Variants in ZMYM6 observed in about 807,000 individuals in gnomAD.
The protein encoded by ZMYM6 is zinc finger MYM-type protein 6.
A neutral mutation model predicts 134.0 loss-of-function variants in ZMYM6; 90 were observed. That is an observed-to-expected ratio of 0.67 (90% CI 0.57 to 0.80). The LOEUF (loss-of-function observed/expected upper bound fraction) is 0.80, where lower values mean the gene tolerates loss of function less well. ZMYM6 is among the 30% of genes least tolerant of loss of function. The pLI is 0.00. For synonymous variants in ZMYM6, 481 were observed against 524.1 expected (o/e 0.92, Z 1.12); for missense variants, 1,362 against 1,533.9 (o/e 0.89, Z 1.87).
rs1043448144 is a variant in ZMYM6, at chr1:35,004,124, A to G, written c.1955-119T>C. On this transcript the variant is annotated intron_variant, in intron 13 of 15. Transcript: ENST00000357182. Reference sequence around the variant, plus strand: ...AGAGTCTAAACCAGAGTTTCTCAGAAAAATGGTACAAGGAAACTGCATCAG... The same window carrying G: ...AGAGTCTAAACCAGAGTTTCTCAGAGAAATGGTACAAGGAAACTGCATCAG... 4 of 825,966 alleles carry G rather than the reference A, an allele frequency of 4.8e-6. No homozygotes were observed. The African/African-American group carries it at 7.1e-5, about 15-fold the overall frequency. 51.2% of individuals were successfully genotyped at this position (825,966 alleles called of 1,614,324 possible). A position where few individuals can be genotyped will look rare whatever the true frequency, so the allele number is the denominator to read the frequency against.
intron 2 of ZMYM6, among the ~76,000 whole-genome samples, chr1:35,021,151 T>C (rs1271465181): frequency 6.7e-6 from 1 of 149,912 alleles, no homozygotes; most frequent in East Asian, 2.0e-4. Context: ...AGTCTCATTC[T>C]GTCACCCAGG....
chr1:34,999,744 T>C (rs1274832783), intron 14 of ZMYM6, among the ~76,000 whole-genome samples: 2 of 152,012 alleles, frequency 1.3e-5, no homozygotes, highest in East Asian at 3.9e-4. Context: ...AAGTTTAAAT[T>C]TGACAACACT....
chr1:35,025,709 A>C (rs934417696), intron 2 of ZMYM6, among the ~76,000 whole-genome samples: 9 of 152,140 alleles, frequency 5.9e-5, no homozygotes, highest in African/African-American at 2.2e-4. Flanking sequence ...AGCCTTTCTG[A>C]AAACAAAGTA....
At chr1:35,015,743 A>AAGAAAAAAAAAAAAATATATAT in intron 4 of ZMYM6, among the ~76,000 whole-genome samples, 1 of 106,476 alleles carries the variant, frequency 9.4e-6, no homozygotes, top group African/African-American at 6.6e-5. Flanking sequence ...AAAAAAAAAA[A>AAGAAAAAAAAAAAAATATATAT]ATATATATAT....
Position 34,987,699 on chromosome 1 carries a change from A to C in ZMYM6, c.3383T>G (p.Leu1128Ter), listed in dbSNP as rs943439554. The change falls in exon 16 of 16, where the codon TTA (leucine) becomes TGA (stop). Residue 1128 changes from leucine (L) to a stop codon, truncating the protein, a stop_gained. Transcript: ENST00000357182. LOFTEE classifies it high-confidence loss of function. ...AGTAGTCAAAGTTCCTTGGAGACTT[A>C]AATTTAATTCATTTATAAGTGAAAA... ...DIFSLINELN[L>*]SLQGTLTTFF... 1 of 1,550,538 alleles carries C rather than the reference A, an allele frequency of 6.4e-7. No homozygotes were observed.
rs779632408 is a variant in ZMYM6, at chr1:35,019,615, A to C, written c.179-13T>G. 3 of 1,570,128 alleles carry C rather than the reference A, an allele frequency of 1.9e-6. No individual in the cohort carries two copies. In the South Asian group the frequency reaches 3.6e-5, roughly 19 times the overall value. ...TTCAACTGCTGGGCTATCAAAACAAAATAAAAAAAGTTTTAGTATCAATAC... is the reference window on the plus strand; with the variant it reads ...TTCAACTGCTGGGCTATCAAAACAACATAAAAAAAGTTTTAGTATCAATAC... On this transcript the variant is annotated splice_polypyrimidine_tract_variant and intron_variant, in intron 3 of 15. Coordinates refer to ENST00000357182, the MANE Select transcript of ZMYM6 (RefSeq NM_007167.4).
Position 35,005,221 on chromosome 1 carries a change from G to T in ZMYM6, c.1865C>A (p.Thr622Lys). 6.2e-7 allele frequency: 1 copy of T among 1,614,116 alleles called. No individual in the cohort carries two copies. The highest frequency in any genetic ancestry group is 2.2e-5 in the East Asian group (1 of 44,878). Residue 622 changes from threonine to lysine, a missense_variant, in exon 13 of 16, where the codon ACA becomes AAA. Physicochemically the swap from Thr to Lys is moderately conservative, Grantham distance 78 (BLOSUM62 -1). Around this residue, in one of 3 missense-constraint regions of ZMYM6, gnomAD observed 824 missense variants for 940.9 expected, o/e 0.88. Transcript: ENST00000357182. ...ACTGGTTATAACTGGTGTTGTATCT[G>T]TCCTTGCAGAAGGGAGCTCCGTCAC... ...TAVTELPSAR[T>K]DTTPVITSVM...
intron 11 of ZMYM6, among the ~76,000 whole-genome samples, chr1:35,007,982 C>T (rs1199724895): frequency 1.3e-5 from 2 of 152,100 alleles, no homozygotes; most frequent in African/African-American, 4.8e-5. Context: ...TTGATTCATT[C>T]AGCAAATATT....
At position 35,010,995 on chromosome 1, in the gene ZMYM6, C is replaced by T. The variant is rs1641074742; in HGVS notation, c.1104G>A (p.Val368=). 5.0e-6 allele frequency: 8 copies of T among 1,613,918 alleles called. No homozygotes were observed. The highest frequency in any genetic ancestry group is 1.1e-5 in the South Asian group (1 of 91,038). ...CAACCACTTGGCCCTGAGACAGGGG[C>T]ACCGCCGAAGAGTTTGTTCCTTTTG... The part of the protein sequence containing the change: ...SKPKGTNSSA[V]PLSQGQVVVS... Residue 368 remains valine (V), a synonymous_variant, in exon 9 of 16, where the codon GTG becomes GTA. Coordinates refer to ENST00000357182, the MANE Select transcript of ZMYM6 (RefSeq NM_007167.4).
intron 14 of ZMYM6, among the ~76,000 whole-genome samples, chr1:34,994,496 T>C (rs1236198003): frequency 6.6e-6 from 1 of 152,018 alleles, no homozygotes; most frequent in East Asian, 1.9e-4. Flanking sequence ...AGAACAAGGC[T>C]GAAAGACAGT....
At chr1:35,029,125 A>G (rs11263947) in intron 2 of ZMYM6, among the ~76,000 whole-genome samples, 36,285 of 152,064 alleles carry the variant, frequency 0.24, 10,552 homozygotes, top group African/African-American at 0.69. Context: ...CCGGGATGTG[A>G]AAGTTGCAGT....
chr1:35,030,149 G>C (rs1261373501), intron 2 of ZMYM6: 1 of 159,894 alleles, frequency 6.3e-6, no homozygotes, highest in Admixed American at 6.4e-5. Context: ...CAAAAAACCA[G>C]CCAGGAATGG....
intron 2 of ZMYM6, among the ~76,000 whole-genome samples, chr1:35,022,272 G>GT (rs892256778): frequency 1.5e-4 from 23 of 148,994 alleles, no homozygotes; most frequent in South Asian, 6.4e-4. Context: ...TCTCTGTTTT[G>GT]TTTTTTTTTT....
intron 2 of ZMYM6, among the ~76,000 whole-genome samples, chr1:35,026,401 C>T (rs953739421): frequency 1.3e-5 from 2 of 152,038 alleles, no homozygotes; most frequent in Non-Finnish European, 2.9e-5. Context: ...TCTTATTTTC[C>T]AATATTCAAA....
Position 34,988,659 on chromosome 1 carries a change from G to A in ZMYM6, c.2423C>T (p.Ser808Phe). Reference protein sequence around the residue: ...NKPVDFFEQKSLEMECQNSSL... With the variant: ...NKPVDFFEQKFLEMECQNSSL... ...ACTATTTTGACATTCCATTTCTAAA[G>A]ATTTTTGTTCAAAAAAATCTACTGG... The change falls in exon 16 of 16, where the codon TCT becomes TTT. Residue 808 changes from serine (S) to phenylalanine (F), a missense_variant. Ser to Phe is a radical substitution (Grantham distance 155). Transcript: ENST00000357182. The A allele has an allele frequency of 6.5e-7, 1 of 1,547,006 alleles. No homozygotes were observed.
intron 14 of ZMYM6, among the ~76,000 whole-genome samples, chr1:34,993,331 T>C (rs1018696363): frequency 6.6e-6 from 1 of 152,038 alleles, no homozygotes; most frequent in Non-Finnish European, 1.5e-5. Flanking sequence ...CAGGCTGGTC[T>C]CAAACTCCTG....
chr1:35,013,460 C>A, intron 6 of ZMYM6: 1 of 984,568 alleles, frequency 1.0e-6, no homozygotes, highest in Non-Finnish European at 1.2e-6. Context: ...ATACTAGTAA[C>A]AAAATTAGAA....
chr1:35,010,815 G>T lies in ZMYM6; in HGVS notation c.1284C>A (p.Leu428=), dbSNP rs1641071211. 6.2e-7 allele frequency: 1 copy of T among 1,604,280 alleles called. No homozygotes were observed. Among genetic ancestry groups the T allele is most frequent in the Non-Finnish European group, 8.5e-7 (1 of 1,176,872 alleles). The change falls in exon 9 of 16, where the codon CTC becomes CTA. Residue 428 remains leucine, a synonymous_variant. Coordinates refer to ENST00000357182, the MANE Select transcript of ZMYM6 (RefSeq NM_007167.4). ...ATAGATGGTTACAGTGCTGACACTT[G>T]AGTTTAACAACTGTATGGGTTAAAG... ...QVALTHTVVK[L]KCQHCNHLFA...
chr1:35,010,770 A>T lies in ZMYM6; in HGVS notation c.1329T>A (p.Leu443=), dbSNP rs777010571. The part of the protein sequence containing the change: ...CNHLFATKPE[L]LFYKGKMFLF... ...GATCTCTCTTTACCTTGTAAAAAAG[A>T]AGTTCTGGTTTTGTGGCAAATAGAT... Residue 443 remains leucine (L), a synonymous_variant, in exon 9 of 16, where the codon CTT becomes CTA. Coordinates refer to ENST00000357182, the MANE Select transcript of ZMYM6 (RefSeq NM_007167.4). 6.4e-6 allele frequency: 10 copies of T among 1,560,582 alleles called. No individual in the cohort carries two copies. Among genetic ancestry groups the T allele is most frequent in the East Asian group, 4.5e-5 (2 of 44,594 alleles).
Sources: gnomAD v4.1 joint callset for allele counts (sites outside exome capture counted in the v4.1 genomes callset) on GRCh38, gnomAD v4.1.1 for gene constraint, gnomAD v4.1.1 regional missense constraint, MANE v1.5 for transcripts, NCBI Gene and HGNC (gene_info 2026-07-23, HGNC 2026-07-21) for gene names.